The following CACNA2D2 variants were observed in gnomAD, a reference collection of about 807,000 sequenced individuals.
CACNA2D2 encodes voltage-dependent calcium channel subunit alpha-2/delta-2.
Under a neutral mutation model 166.4 loss-of-function variants are expected in CACNA2D2, and 48 were observed. The observed-to-expected ratio is 0.29, with a 90% confidence interval of 0.23 to 0.37. CACNA2D2 has a LOEUF of 0.37. CACNA2D2 is among the 10% of genes least tolerant of loss of function. The probability of loss-of-function intolerance (pLI) is 1.00; values close to 1 mark genes in which losing one functional copy is unlikely to be tolerated. For synonymous variants in CACNA2D2, 561 were observed against 573.7 expected (o/e 0.98, Z 0.32); for missense variants, 1,122 against 1,433.0 (o/e 0.78, Z 3.50).
intron 3 of CACNA2D2, among the ~76,000 whole-genome samples, chr3:50,432,856 C>T (rs1408758501): frequency 6.6e-6 from 1 of 152,226 alleles, no homozygotes; most frequent in Non-Finnish European, 1.5e-5. Flanking sequence ...GGGCCCAGCT[C>T]CTGGAGAAGG....
chr3:50,368,261 G>A, intron 23 of CACNA2D2, 26 bp from the exon 24 acceptor site: 1 of 1,453,468 alleles, frequency 6.9e-7, no homozygotes, highest in Non-Finnish European at 9.7e-7. Context: ...GGCAAGAAGA[G>A]TGGGCTTGGG....
chr3:50,491,142 C>G (rs1021800253), intron 1 of CACNA2D2, among the ~76,000 whole-genome samples: 1 of 152,208 alleles, frequency 6.6e-6, no homozygotes, highest in Non-Finnish European at 1.5e-5. Flanking sequence ...CCTCCCCGTG[C>G]CCATCAGAAG....
chr3:50,387,296 C>T (rs755066675), intron 5 of CACNA2D2, among the ~76,000 whole-genome samples: 3 of 152,186 alleles, frequency 2.0e-5, no homozygotes, highest in Non-Finnish European at 4.4e-5. Context: ...AGGCTCTCTC[C>T]ATCTGGGACC....
At chr3:50,383,126 G>C (rs905680461) in intron 6 of CACNA2D2, among the ~76,000 whole-genome samples, 4 of 152,248 alleles carry the variant, frequency 2.6e-5, no homozygotes, top group African/African-American at 9.6e-5. Context: ...GGGGTGACTG[G>C]AGAGGGCGGT....
chr3:50,467,818 G>T (rs565960073), intron 2 of CACNA2D2, among the ~76,000 whole-genome samples: 12 of 152,312 alleles, frequency 7.9e-5, no homozygotes, highest in African/African-American at 2.9e-4. Context: ...ATAAGAAAAG[G>T]TTTATGGCTC....
chr3:50,388,975 C>T (rs909867116), intron 4 of CACNA2D2, among the ~76,000 whole-genome samples: 6 of 152,378 alleles, frequency 3.9e-5, no homozygotes, highest in African/African-American at 1.2e-4. Flanking sequence ...CATCCCAGGG[C>T]GCCTGCCGTG....
rs1267302044 is a variant in CACNA2D2 at position 50,375,352 on chromosome 3, C to A, written c.1907+292G>T. ...GCCTGCACTGACCCAGCCTGACACACAAGGGACCTCCTCTGCCCTGAGACT... is the reference window on the plus strand; with the variant it reads ...GCCTGCACTGACCCAGCCTGACACAAAAGGGACCTCCTCTGCCCTGAGACT... On this transcript the variant is annotated intron_variant, in intron 21 of 37. Transcript: ENST00000424201. This position sits in a 1 kb window ranked among gnomAD's most constrained non-coding sequence, Gnocchi z 4.0. Among the ~76,000 whole-genome samples the A allele has an allele frequency of 6.6e-6, 1 of 152,200 alleles. No homozygotes were observed. Among genetic ancestry groups the A allele is most frequent in the African/African-American group, 2.4e-5 (1 of 41,432 alleles).
chr3:50,403,472 G>C (rs764655642), intron 3 of CACNA2D2, among the ~76,000 whole-genome samples: 10 of 152,128 alleles, frequency 6.6e-5, no homozygotes, highest in Non-Finnish European at 1.5e-4. Context: ...CTGCAGCCCT[G>C]CTTGGCTTCC....
intron 6 of CACNA2D2, among the ~76,000 whole-genome samples, chr3:50,382,775 T>A (rs1705386692): frequency 6.6e-6 from 1 of 152,192 alleles, no homozygotes; most frequent in Admixed American, 6.5e-5. Context: ...GGTTTTCCCA[T>A]CTGCATAATG....
chr3:50,439,363 C>T (rs115640755), intron 2 of CACNA2D2, among the ~76,000 whole-genome samples: 4 of 152,314 alleles, frequency 2.6e-5, no homozygotes, highest in Non-Finnish European at 5.9e-5. Context: ...CTCTCCGCAG[C>T]GAAGGTGAAC....
At chr3:50,435,610 C>G (rs1708282406) in intron 2 of CACNA2D2, among the ~76,000 whole-genome samples, 3 of 131,766 alleles carry the variant, frequency 2.3e-5, no homozygotes. Flanking sequence ...AGCGAGAAGG[C>G]AGGGAGATAA....
intron 1 of CACNA2D2, among the ~76,000 whole-genome samples, chr3:50,500,184 G>A (rs1030986671): frequency 1.3e-5 from 2 of 152,240 alleles, no homozygotes; most frequent in Non-Finnish European, 2.9e-5. Context: ...ACTCAGGAGA[G>A]GAGCACGTAC....
intron 1 of CACNA2D2, among the ~76,000 whole-genome samples, chr3:50,499,201 G>A (rs1698853458): frequency 6.6e-6 from 1 of 152,226 alleles, no homozygotes; most frequent in African/African-American, 2.4e-5. Context: ...AAGGCCTCTG[G>A]AAGGTTCGGG....
intron 2 of CACNA2D2, among the ~76,000 whole-genome samples, chr3:50,460,682 G>A (rs954075253): frequency 4.6e-5 from 7 of 152,022 alleles, no homozygotes; most frequent in Admixed American, 1.3e-4. Flanking sequence ...GTGAAACCCC[G>A]TCTCTACTAA....
rs2106731080 is a variant in CACNA2D2, at chr3:50,394,171, G to A, written c.406-3C>T. ...TTCTCTGCAGCATCAGCCAGTCTCT[G>A]AGGGACAGAGCACAGGGAGGTCAGA... is the stretch of plus-strand genomic sequence containing the variant. On this transcript the variant is annotated splice_region_variant and splice_polypyrimidine_tract_variant and intron_variant, in intron 3 of 37. Coordinates refer to ENST00000424201, the MANE Select transcript of CACNA2D2 (RefSeq NM_006030.4). The A allele has an allele frequency of 1.9e-6, 3 of 1,613,898 alleles. No homozygotes were observed. The highest frequency in any genetic ancestry group is 2.2e-5 in the East Asian group (1 of 44,884).
intron 1 of CACNA2D2, among the ~76,000 whole-genome samples, chr3:50,492,702 C>A (rs1304547011): frequency 6.6e-6 from 1 of 152,156 alleles, no homozygotes; most frequent in Non-Finnish European, 1.5e-5. Context: ...GCGCCACAGG[C>A]CGAGTGAGAA....
At chr3:50,419,464 C>T (rs1056163549) in intron 3 of CACNA2D2, among the ~76,000 whole-genome samples, 6 of 152,164 alleles carry the variant, frequency 3.9e-5, no homozygotes, top group Non-Finnish European at 5.9e-5. Flanking sequence ...TTGGTGACCC[C>T]GTTGGTGACC....
At position 50,405,064 on chromosome 3, in the gene CACNA2D2, C is replaced by T. The variant is rs147944214; in HGVS notation, c.406-10896G>A. 5.2e-4 allele frequency among the ~76,000 whole-genome samples: 79 copies of T among 152,256 alleles called. 2 individuals carry two copies. Among genetic ancestry groups the T allele is most frequent in the African/African-American group, 1.4e-3 (57 of 41,530 alleles). On this transcript the variant is annotated intron_variant, in intron 3 of 37. Coordinates refer to ENST00000424201, the MANE Select transcript of CACNA2D2 (RefSeq NM_006030.4). ...ACTTTTTCCTAAAACACAGCCTAAG[C>T]GGGCCCTTCTCAGCTCTATTAACAT...
At chr3:50,463,575 T>G (rs1204123896) in intron 2 of CACNA2D2, among the ~76,000 whole-genome samples, 2 of 152,226 alleles carry the variant, frequency 1.3e-5, no homozygotes, top group Non-Finnish European at 2.9e-5. Flanking sequence ...TGTTTAAAGC[T>G]GTGCCATTTC....
Sources: allele counts gnomAD v4.1 joint callset (sites outside exome capture counted in the v4.1 genomes callset), GRCh38; gene constraint gnomAD v4.1.1; non-coding constraint Gnocchi (gnomAD v3.1); transcripts MANE v1.5; gene names NCBI Gene and HGNC (gene_info 2026-07-23, HGNC 2026-07-21).